Variants in CACYBP observed in about 807,000 individuals in gnomAD.
The protein encoded by CACYBP is calcyclin binding protein.
CACYBP carries 11 observed loss-of-function variants against 29.6 expected under a neutral mutation model. The ratio of observed to expected loss-of-function variants is 0.37; its 90% CI spans 0.23 to 0.61. The LOEUF is 0.61. CACYBP is among the 20% of genes least tolerant of loss of function. The pLI is 0.65. For synonymous variants in CACYBP, 73 were observed against 88.3 expected, an observed-to-expected ratio of 0.83 and a Z score of 0.97; for missense variants, 163 against 260.7, an observed-to-expected ratio of 0.63 and a Z score of 2.58.
chr1:175,003,162 G>A (rs1475885281), intron 1 of CACYBP, among the ~76,000 whole-genome samples: 2 of 149,622 alleles, frequency 1.3e-5, no homozygotes, highest in South Asian at 2.2e-4. Context: ...CTTGTTGCCC[G>A]GGCTGGAGTG....
intron 2 of CACYBP, 57 bp from the exon 3 acceptor site, chr1:175,006,688 G>A (rs1672625947): frequency 3.5e-6 from 3 of 856,458 alleles, no homozygotes; most frequent in African/African-American, 1.7e-5. Flanking sequence ...TGCATTTGCT[G>A]TTCTAAAGAT....
intron 5 of CACYBP, among the ~76,000 whole-genome samples, 174 bp from the exon 6 acceptor site, chr1:175,009,749 C>T (rs184719908): frequency 2.6e-5 from 4 of 151,184 alleles, no homozygotes; most frequent in African/African-American, 7.3e-5. Context: ...ATGCTTGATA[C>T]GTGTGTGTTG....
Position 175,000,005 on chromosome 1 carries a change from A to G in CACYBP, c.-176A>G. 1.1e-6 allele frequency: 1 copy of G among 902,770 alleles called. No individual in the cohort carries two copies. Among genetic ancestry groups the G allele is most frequent in the African/African-American group, 1.7e-5 (1 of 57,492 alleles). The allele number at this position is 902,770 out of a possible 1,614,324, so 55.9% of individuals were successfully genotyped here. On this transcript the variant is annotated 5_prime_UTR_variant, in exon 1 of 6. Coordinates refer to ENST00000367679, the MANE Select transcript of CACYBP (RefSeq NM_014412.3). ...GGCGGCTGCCTCGCGAAGGTTCGAG[A>G]TCCGTCGCGTGCGGGAGGCGGGCCG...
chr1:175,009,838 AC>A (rs1356689995), intron 5 of CACYBP, 84 bp from the exon 6 acceptor site: 1 of 1,024,070 alleles, frequency 9.8e-7, no homozygotes, highest in East Asian at 2.4e-5. Flanking sequence ...TTATCCCTCT[AC>A]TTCCTGCCAG....
At chr1:175,000,415 T>C in intron 1 of CACYBP, 1 of 1,398,192 alleles carries the variant, frequency 7.2e-7, no homozygotes, top group Non-Finnish European at 9.3e-7. Flanking sequence ...CCTGCTGGGC[T>C]CGAGCGGGGG....
chr1:175,008,361 C>T (rs1672667466), intron 4 of CACYBP, among the ~76,000 whole-genome samples: 1 of 152,034 alleles, frequency 6.6e-6, no homozygotes, highest in African/African-American at 2.4e-5. Context: ...TGCCCCCACC[C>T]CCCATTAACA....
intron 1 of CACYBP, among the ~76,000 whole-genome samples, chr1:175,003,380 A>G (rs762495419): frequency 6.6e-6 from 1 of 152,150 alleles, no homozygotes; most frequent in Non-Finnish European, 1.5e-5. Flanking sequence ...TGGCCTCCCA[A>G]AGTACTGGGA....
rs762465802 is a variant in CACYBP, at chr1:175,004,827, A to G, written c.229A>G (p.Asn77Asp). 11 of 1,603,464 alleles carry G rather than the reference A, an allele frequency of 6.9e-6. No individual in the cohort carries two copies. Among genetic ancestry groups the G allele is most frequent in the Non-Finnish European group, 9.4e-6 (11 of 1,170,242 alleles). Reference protein sequence around the residue: ...ITTGYTVKISNYGWDQSDKFV... With the variant: ...ITTGYTVKISDYGWDQSDKFV... The stretch of plus-strand genomic sequence containing the variant: ...AACGGGCTATACGGTGAAAATCAGT[A>G]ATTATGGTATGACTTGCTTCCCTAT... The change falls in exon 2 of 6, where the codon AAT (asparagine) becomes GAT (aspartate). Residue 77 changes from asparagine to aspartate, a missense_variant. Physicochemically the swap from Asn to Asp is conservative, Grantham distance 23 (BLOSUM62 1). Transcript: ENST00000367679.
chr1:175,001,872 G>A (rs1672499259), intron 1 of CACYBP, among the ~76,000 whole-genome samples: 1 of 152,214 alleles, frequency 6.6e-6, no homozygotes, highest in Non-Finnish European at 1.5e-5. Context: ...CTCCTGAGAA[G>A]CTGGGATTAC....
At chr1:175,005,388 C>T (rs1672596221) in intron 2 of CACYBP, among the ~76,000 whole-genome samples, 1 of 152,150 alleles carries the variant, frequency 6.6e-6, no homozygotes, top group Non-Finnish European at 1.5e-5. Context: ...GGCAGCGCAA[C>T]TTGAATATGA....
At chr1:175,006,101 G>A (rs1672614742) in intron 2 of CACYBP, among the ~76,000 whole-genome samples, 1 of 152,180 alleles carries the variant, frequency 6.6e-6, no homozygotes, top group Admixed American at 6.5e-5. Flanking sequence ...CTACAAATGT[G>A]ATGGTATTTT....
chr1:175,001,973 C>G (rs949225644), intron 1 of CACYBP, among the ~76,000 whole-genome samples: 11 of 152,238 alleles, frequency 7.2e-5, no homozygotes, highest in Non-Finnish European at 1.2e-4. Flanking sequence ...AACTCCTGAT[C>G]TCAAGTGATC....
intron 2 of CACYBP, among the ~76,000 whole-genome samples, chr1:175,005,306 C>G (rs761369344): frequency 6.6e-6 from 1 of 151,892 alleles, no homozygotes; most frequent in Non-Finnish European, 1.5e-5. Context: ...GGGACATTGA[C>G]GTATAACTCG....
At chr1:174,999,838 C>T (rs971796171), upstream of CACYBP, 3 of 452,556 alleles carry the variant, frequency 6.6e-6, no homozygotes, top group East Asian at 4.6e-5. Flanking sequence ...GCTCGCGAGA[C>T]TTGAGCGTTG....
At chr1:175,005,182 G>T in intron 2 of CACYBP, 1 of 314,334 alleles carries the variant, frequency 3.2e-6, no homozygotes, top group Non-Finnish European at 6.1e-6. Context: ...CTGAGGAGAG[G>T]AATCCAGTTA....
chr1:175,007,240 A>G (rs1390967371), intron 4 of CACYBP, 43 bp downstream of exon 4: 1 of 1,174,180 alleles, frequency 8.5e-7, no homozygotes, highest in East Asian at 2.3e-5. Context: ...AAACCTTACC[A>G]AATTGAACCT....
chr1:175,005,101 T>TTGGTGGTGG (rs199946453), intron 2 of CACYBP: 3 of 422,734 alleles, frequency 7.1e-6, no homozygotes, highest in South Asian at 2.6e-5. Context: ...AGACACAGCT[T>TTGGTGGTGG]TGGTGGTGGT....
Position 175,000,045 on chromosome 1 carries a change from G to A in CACYBP, c.-136G>A, listed in dbSNP as rs1672424137. Reference sequence around the variant, plus strand: ...GAGGCGGGCCGCGATCTTGCGCAGGGTCGGTGTGGGCGCAGGCTGCAGCGC... The same window carrying A: ...GAGGCGGGCCGCGATCTTGCGCAGGATCGGTGTGGGCGCAGGCTGCAGCGC... On this transcript the variant is annotated 5_prime_UTR_variant, in exon 1 of 6. Transcript: ENST00000367679. 7.9e-7 allele frequency: 1 copy of A among 1,264,000 alleles called. No homozygotes were observed. Among genetic ancestry groups the A allele is most frequent in the South Asian group, 1.3e-5 (1 of 78,116 alleles). The allele number at this position is 1,264,000 out of a possible 1,614,324, so 78.3% of individuals were successfully genotyped here.
rs1050271244 is a variant in CACYBP, at chr1:175,000,062, C to T, written c.-119C>T. ...TGCGCAGGGTCGGTGTGGGCGCAGG[C>T]TGCAGCGCCGCGACTCGTGCGGGTA... On this transcript the variant is annotated 5_prime_UTR_variant, in exon 1 of 6. Coordinates refer to ENST00000367679, the MANE Select transcript of CACYBP (RefSeq NM_014412.3). 5.0e-6 allele frequency: 7 copies of T among 1,395,400 alleles called. No individual in the cohort carries two copies. Among genetic ancestry groups the T allele is most frequent in the Middle Eastern group, 4.3e-4 (2 of 4,672 alleles). The allele number at this position is 1,395,400 out of a possible 1,614,324, so 86.4% of individuals were successfully genotyped here. A position where few individuals can be genotyped will look rare whatever the true frequency, so the allele number is the denominator to read the frequency against.
Sources: gnomAD v4.1 joint callset for allele counts (sites outside exome capture counted in the v4.1 genomes callset) on GRCh38, gnomAD v4.1.1 for gene constraint, MANE v1.5 for transcripts, NCBI Gene and HGNC (gene_info 2026-07-23, HGNC 2026-07-21) for gene names.